The following SKI variants were observed in gnomAD, a reference collection of about 807,000 sequenced individuals.
SKI encodes ski oncogene.
A neutral mutation model predicts 59.3 loss-of-function variants in SKI; 23 were observed. The observed-to-expected ratio is 0.39, with a 90% CI of 0.28 to 0.55. The LOEUF (loss-of-function observed/expected upper bound fraction) is 0.55. SKI is among the 20% of genes least tolerant of loss of function. The pLI is 0.67. For synonymous variants in SKI, 673 were observed against 488.6 expected, an observed-to-expected ratio of 1.38 and a Z score of -4.98; for missense variants, 1,017 against 1,038.9, an observed-to-expected ratio of 0.98 and a Z score of 0.29.
intron 1 of SKI, among the ~76,000 whole-genome samples, chr1:2,232,283 T>C (rs1638655468): frequency 6.6e-6 from 1 of 152,228 alleles, no homozygotes. Flanking sequence ...GCCTTCGGGC[T>C]CTGCGGAGCC....
At chr1:2,301,301 AG>A (rs1438248139) in intron 1 of SKI, among the ~76,000 whole-genome samples, 10 of 152,142 alleles carry the variant, frequency 6.6e-5, no homozygotes, top group African/African-American at 1.9e-4. Context: ...CGCCACATAG[AG>A]GGGGTATTTT....
chr1:2,278,774 C>G (rs1265884336), intron 1 of SKI, among the ~76,000 whole-genome samples: 2 of 152,142 alleles, frequency 1.3e-5, no homozygotes, highest in South Asian at 4.2e-4. Flanking sequence ...GGCCTGCAGA[C>G]CCCCCTTCTT....
At chr1:2,246,363 C>G (rs900413039) in intron 1 of SKI, among the ~76,000 whole-genome samples, 1 of 152,134 alleles carries the variant, frequency 6.6e-6, no homozygotes, top group South Asian at 2.1e-4. Context: ...CTCTTTGAGT[C>G]GAGTTGTGTG....
At chr1:2,301,812 G>A (rs561131965) in intron 1 of SKI, among the ~76,000 whole-genome samples, 8 of 152,248 alleles carry the variant, frequency 5.3e-5, no homozygotes, top group Non-Finnish European at 7.3e-5. Flanking sequence ...GGTTGGCCTC[G>A]GCAGAGTGAG....
rs1160688025 is a variant in SKI, at chr1:2,306,716, C to T, written c.2138C>T (p.Ala713Val). The T allele has an allele frequency of 2.0e-6, 3 of 1,537,214 alleles. No individual in the cohort carries two copies. Among genetic ancestry groups the T allele is most frequent in the Middle Eastern group, 2.1e-4 (1 of 4,718 alleles). ...KELQEQLWPR[A>V]RPEAAGSEGA... is the part of the protein sequence containing the mutation. ...CTGCAGGAACAGCTGTGGCCGCGGG[C>T]CCGCCCCGAGGCTGCGGGCAGCGAG... Residue 713 changes from alanine to valine, a missense_variant, in exon 7 of 7, where the codon GCC (alanine) becomes GTC (valine). Ala to Val is a moderately conservative substitution (Grantham distance 64, BLOSUM62 0). Coordinates refer to ENST00000378536, the MANE Select transcript of SKI (RefSeq NM_003036.4).
intron 1 of SKI, among the ~76,000 whole-genome samples, chr1:2,274,644 G>A (rs528308149): frequency 3.3e-5 from 5 of 152,356 alleles, no homozygotes; most frequent in African/African-American, 1.2e-4. Flanking sequence ...TTCTAGGCTG[G>A]AGCCTCATAG....
intron 1 of SKI, among the ~76,000 whole-genome samples, chr1:2,250,444 C>T (rs943830123): frequency 3.3e-5 from 5 of 152,236 alleles, no homozygotes; most frequent in African/African-American, 1.2e-4. Context: ...AGCCTGCTGC[C>T]TGTCCTTGGT....
At chr1:2,231,754 GCTCC>G (rs1638643381) in intron 1 of SKI, among the ~76,000 whole-genome samples, 1 of 152,214 alleles carries the variant, frequency 6.6e-6, no homozygotes, top group Non-Finnish European at 1.5e-5. Flanking sequence ...CCTCCGCCTG[GCTCC>G]CTGAATGTTC....
At chr1:2,258,374 T>A (rs1225734005) in intron 1 of SKI, among the ~76,000 whole-genome samples, 1 of 152,124 alleles carries the variant, frequency 6.6e-6, no homozygotes, top group Non-Finnish European at 1.5e-5. Context: ...GATGGGACAG[T>A]GGCTGTGCTG....
At chr1:2,285,014 G>A (rs894103362) in intron 1 of SKI, among the ~76,000 whole-genome samples, 1 of 152,230 alleles carries the variant, frequency 6.6e-6, no homozygotes, top group Non-Finnish European at 1.5e-5. Flanking sequence ...TCTTGCTAAA[G>A]TTTTATGATT....
chr1:2,250,887 C>T (rs916649446), intron 1 of SKI, among the ~76,000 whole-genome samples: 2 of 152,262 alleles, frequency 1.3e-5, no homozygotes, highest in Non-Finnish European at 1.5e-5. Context: ...GCGGCAGCCC[C>T]GGGGGGCCGG....
rs116652584 is a variant in SKI, at chr1:2,271,537, G to T, written c.970-31441G>T. The stretch of plus-strand genomic sequence containing the variant: ...GGCAGGTTCCGCGGAGTGCCCGGCT[G>T]CCCTCGGCAGGGGCTTTGTGTTGGC... On this transcript the variant is annotated intron_variant, in intron 1 of 6. Coordinates refer to ENST00000378536, the MANE Select transcript of SKI (RefSeq NM_003036.4). 5.8e-3 allele frequency among the ~76,000 whole-genome samples: 881 copies of T among 152,292 alleles called. 8 individuals carry two copies. The highest frequency in any genetic ancestry group is 0.02 in the African/African-American group (833 of 41,570).
chr1:2,232,889 C>A (rs1387329428), intron 1 of SKI, among the ~76,000 whole-genome samples: 1 of 152,316 alleles, frequency 6.6e-6, no homozygotes, highest in African/African-American at 2.4e-5. Flanking sequence ...GAGCACTTAG[C>A]CAAGACTGGA....
At chr1:2,238,293 C>T (rs746783458) in intron 1 of SKI, among the ~76,000 whole-genome samples, 1 of 152,252 alleles carries the variant, frequency 6.6e-6, no homozygotes, top group Non-Finnish European at 1.5e-5. Flanking sequence ...GCCCGTGGCC[C>T]TCTTTTTTTA....
At chr1:2,284,015 G>A (rs987589655) in intron 1 of SKI, among the ~76,000 whole-genome samples, 1 of 152,154 alleles carries the variant, frequency 6.6e-6, no homozygotes, top group African/African-American at 2.4e-5. Context: ...TGCAGTGCCC[G>A]TGCCATCTTC....
intron 1 of SKI, among the ~76,000 whole-genome samples, chr1:2,288,754 C>T (rs1640099234): frequency 6.6e-6 from 1 of 152,080 alleles, no homozygotes; most frequent in Non-Finnish European, 1.5e-5. Flanking sequence ...GGCCTGCTGG[C>T]ATTTTTGGGG....
At chr1:2,291,927 A>G (rs760939808) in intron 1 of SKI, among the ~76,000 whole-genome samples, 1 of 152,220 alleles carries the variant, frequency 6.6e-6, no homozygotes, top group Non-Finnish European at 1.5e-5. Context: ...TGCAGATTCA[A>G]TCTGTTTCCT....
chr1:2,232,144 T>C (rs1638652784), intron 1 of SKI, among the ~76,000 whole-genome samples: 1 of 152,242 alleles, frequency 6.6e-6, no homozygotes, highest in Non-Finnish European at 1.5e-5. Context: ...CTTGACAGCT[T>C]ATTCTCGGGA....
chr1:2,306,752 A>G lies in SKI; in HGVS notation c.2174A>G (p.Glu725Gly), dbSNP rs747798210. Reference sequence around the variant, plus strand: ...GCTGCGGGCAGCGAGGGCGCTGCGGAGCTGGAGCCGTAGATTCCGTGCCTG... The same window carrying G: ...GCTGCGGGCAGCGAGGGCGCTGCGGGGCTGGAGCCGTAGATTCCGTGCCTG... ...PEAAGSEGAA[E>G]LEP Residue 725 changes from glutamate (E) to glycine (G), a missense_variant, in exon 7 of 7, where the codon GAG becomes GGG. Transcript: ENST00000378536. 5 of 1,522,194 alleles carry G rather than the reference A, an allele frequency of 3.3e-6. No homozygotes were observed. The highest frequency in any genetic ancestry group is 4.4e-6 in the Non-Finnish European group (5 of 1,138,082). The allele number at this position is 1,522,194 out of a possible 1,614,324, so 94.3% of individuals were successfully genotyped here.
Sources: allele counts gnomAD v4.1 joint callset (sites outside exome capture counted in the v4.1 genomes callset), GRCh38; gene constraint gnomAD v4.1.1; transcripts MANE v1.5; gene names NCBI Gene and HGNC (gene_info 2026-07-23, HGNC 2026-07-21).